The following SPATA6 variants were observed in gnomAD, a reference collection of about 807,000 sequenced individuals.
SPATA6 encodes the protein spermatogenesis associated 6, also known as spermatogenesis-associated protein 6.
SPATA6 carries 56 observed loss-of-function variants against 65.3 expected under a neutral mutation model. The ratio of observed to expected loss-of-function variants is 0.86; its 90% CI spans 0.69 to 1.07. The LOEUF is 1.07. Among genes scored for constraint, SPATA6 ranks in the 50% least tolerant of loss-of-function variants. SPATA6 has a pLI of 0.00. For missense variants in SPATA6, 590 were observed against 594.8 expected, an observed-to-expected ratio of 0.99 and a Z score of 0.08; for synonymous variants, 199 against 213.2, an observed-to-expected ratio of 0.93 and a Z score of 0.58.
chr1:48,324,240 G>A (rs1298816887), intron 11 of SPATA6, among the ~76,000 whole-genome samples: 1 of 152,150 alleles, frequency 6.6e-6, no homozygotes, highest in Non-Finnish European at 1.5e-5. Flanking sequence ...TTACAGGGAT[G>A]AGCCATCATG....
intron 7 of SPATA6, among the ~76,000 whole-genome samples, chr1:48,397,274 CAG>C (rs1171234424): frequency 6.6e-6 from 1 of 151,642 alleles, no homozygotes; most frequent in African/African-American, 2.4e-5. Flanking sequence ...ATTCTGGAAC[CAG>C]ATAGCTGCAT....
intron 9 of SPATA6, among the ~76,000 whole-genome samples, chr1:48,365,197 T>G (rs537724458): frequency 6.6e-6 from 1 of 152,242 alleles, no homozygotes; most frequent in Non-Finnish European, 1.5e-5. Context: ...TTTTGGTTAC[T>G]GTAGCCTTGT....
At chr1:48,423,211 C>T (rs1265829593) in intron 3 of SPATA6, among the ~76,000 whole-genome samples, 1 of 152,016 alleles carries the variant, frequency 6.6e-6, no homozygotes, top group Non-Finnish European at 1.5e-5. Context: ...AATCCCAGCA[C>T]TTTGGGAGGC....
chr1:48,387,024 G>A (rs971347083), intron 8 of SPATA6, among the ~76,000 whole-genome samples: 1 of 152,180 alleles, frequency 6.6e-6, no homozygotes, highest in African/African-American at 2.4e-5. Context: ...CAGTTTAATT[G>A]GACTTACAGT....
At chr1:48,423,744 AC>A (rs1382965551) in intron 3 of SPATA6, among the ~76,000 whole-genome samples, 1 of 151,762 alleles carries the variant, frequency 6.6e-6, no homozygotes, top group Non-Finnish European at 1.5e-5. Flanking sequence ...TGGGGTTTCC[AC>A]CATGGTGCCC....
intron 9 of SPATA6, among the ~76,000 whole-genome samples, chr1:48,385,100 A>G (rs1557649009): frequency 1.3e-5 from 2 of 152,344 alleles, no homozygotes; most frequent in South Asian, 2.1e-4. Context: ...ATACAAATGA[A>G]TAACCAAAAG....
chr1:48,309,670 T>C (rs555332915), intron 11 of SPATA6, among the ~76,000 whole-genome samples: 1 of 152,328 alleles, frequency 6.6e-6, no homozygotes, highest in African/African-American at 2.4e-5. Flanking sequence ...TTCATTGTTT[T>C]CTCCATTTCC....
rs1254819775 is a variant in SPATA6 at position 48,399,574 on chromosome 1, G to C, written c.557C>G (p.Ser186Ter). The C allele has an allele frequency of 6.2e-7, 1 of 1,612,564 alleles. No individual in the cohort carries two copies. The highest frequency in any genetic ancestry group is 1.7e-5 in the Admixed American group (1 of 59,802). The change falls in exon 7 of 13, where the codon TCA becomes TGA. Residue 186 changes from serine (S) to a stop codon, truncating the protein, a stop_gained. Transcript: ENST00000371847. LOFTEE classifies it high-confidence loss of function. ...HGRLQNRTSR[S>*]QKKKSKSPER... ...AGGTGACTTGGATTTTTTCTTTTGT[G>C]ATCTTGATGTTCTGTTTTGCAGTCT...
the SPATA6 span, among the ~76,000 whole-genome samples, chr1:48,273,669 A>G: frequency 2.0e-5 from 3 of 152,106 alleles, no homozygotes; most frequent in Non-Finnish European, 4.4e-5. Flanking sequence ...AAGGACATGA[A>G]CTCATCCTTT....
chr1:48,361,604 T>C (rs1348288884), intron 9 of SPATA6, among the ~76,000 whole-genome samples: 1 of 152,178 alleles, frequency 6.6e-6, no homozygotes, highest in Non-Finnish European at 1.5e-5. Flanking sequence ...GTTTATGTTA[T>C]AGTAGCGCTA....
intron 11 of SPATA6, among the ~76,000 whole-genome samples, chr1:48,327,950 T>C (rs986031647): frequency 6.6e-6 from 1 of 152,100 alleles, no homozygotes; most frequent in African/African-American, 2.4e-5. Context: ...GTAACAAACA[T>C]AGAATGTACC....
chr1:48,365,597 G>A (rs1280674743), intron 9 of SPATA6, among the ~76,000 whole-genome samples: 2 of 152,124 alleles, frequency 1.3e-5, no homozygotes, highest in Non-Finnish European at 2.9e-5. Context: ...TTGGCTGTTT[G>A]TCTGTTATTG....
rs772692557 is a variant in SPATA6 at position 48,411,418 on chromosome 1, A to G, written c.405+46T>C. The G allele has an allele frequency of 8.3e-6, 13 of 1,566,690 alleles. No individual in the cohort carries two copies. In the South Asian group the frequency reaches 1.6e-4, roughly 19 times the overall value. On this transcript the variant is annotated intron_variant, in intron 5 of 12. Coordinates refer to ENST00000371847, the MANE Select transcript of SPATA6 (RefSeq NM_019073.4). ...CGAGCACTATGCGGTGGTTTCTGACAATGATTTTCCATCAAAAACTGATTC... is the reference window on the plus strand; with the variant it reads ...CGAGCACTATGCGGTGGTTTCTGACGATGATTTTCCATCAAAAACTGATTC...
At chr1:48,388,628 C>T (rs757671912) in intron 8 of SPATA6, among the ~76,000 whole-genome samples, 12 of 150,928 alleles carry the variant, frequency 8.0e-5, no homozygotes, top group African/African-American at 2.2e-4. Context: ...GAAACTTTTA[C>T]GAAGGAGATA....
chr1:48,282,014 C>T, the SPATA6 span, among the ~76,000 whole-genome samples: 4 of 152,136 alleles, frequency 2.6e-5, no homozygotes, highest in Non-Finnish European at 5.9e-5. Flanking sequence ...GAACAGAGCC[C>T]TCAGAAATAA....
At chr1:48,377,531 C>CA (rs1648058872) in intron 9 of SPATA6, among the ~76,000 whole-genome samples, 1 of 152,110 alleles carries the variant, frequency 6.6e-6, no homozygotes, top group Admixed American at 6.6e-5. Flanking sequence ...TCAACCAGGT[C>CA]AAACCATCTC....
intron 9 of SPATA6, among the ~76,000 whole-genome samples, chr1:48,377,648 C>T (rs1330002847): frequency 6.6e-6 from 1 of 152,164 alleles, no homozygotes; most frequent in African/African-American, 2.4e-5. Context: ...CCTTCACTAC[C>T]ATGAAATACC....
chr1:48,361,506 G>C (rs1012363931), intron 9 of SPATA6, among the ~76,000 whole-genome samples: 4 of 151,784 alleles, frequency 2.6e-5, no homozygotes, highest in African/African-American at 9.7e-5. Context: ...GAGAGGAATT[G>C]GATTCATTTA....
the SPATA6 span, among the ~76,000 whole-genome samples, chr1:48,279,508 C>CA: frequency 1.3e-5 from 2 of 151,668 alleles, no homozygotes; most frequent in South Asian, 4.2e-4. Flanking sequence ...AAATGGAAAA[C>CA]AAAAAAAGGC....
Sources: gnomAD v4.1 joint callset for allele counts (sites outside exome capture counted in the v4.1 genomes callset) on GRCh38, gnomAD v4.1.1 for gene constraint, MANE v1.5 for transcripts, NCBI Gene and HGNC (gene_info 2026-07-23, HGNC 2026-07-21) for gene names.